Variants in TPR observed in about 807,000 individuals in gnomAD.
TPR encodes the protein translocated promoter region, nuclear basket protein, also known as nucleoprotein TPR.
In TPR, 51 loss-of-function variants were observed where a neutral mutation model predicts 316.1. The observed-to-expected ratio is 0.16, with a 90% CI of 0.13 to 0.20. TPR has a LOEUF of 0.20. Among genes scored for constraint, TPR ranks in the 10% least tolerant of loss-of-function variants. TPR has a pLI of 1.00. For synonymous variants in TPR, 981 were observed against 914.7 expected (o/e 1.07, Z -1.31); for missense variants, 2,272 against 2,754.8 (o/e 0.82, Z 3.92).
chr1:186,345,549 A>G (rs1658651005), intron 24 of TPR, 31 bp downstream of exon 24: 1 of 1,483,350 alleles, frequency 6.7e-7, no homozygotes, highest in Admixed American at 1.7e-5. Context: ...CTAGGATCGA[A>G]GCTCATTTCT....
chr1:186,326,909 G>A (rs1657950781), intron 40 of TPR, among the ~76,000 whole-genome samples: 1 of 128,624 alleles, frequency 7.8e-6, no homozygotes, highest in Admixed American at 9.0e-5. Flanking sequence ...TTCCATCACT[G>A]GCTCTACACT....
chr1:186,340,481 G>C (rs968129777), intron 29 of TPR, among the ~76,000 whole-genome samples: 1 of 151,656 alleles, frequency 6.6e-6, no homozygotes, highest in African/African-American at 2.4e-5. Context: ...ACCCAGGCTA[G>C]CATGCAGTGG....
At position 186,360,309 on chromosome 1, in the gene TPR, T is replaced by A; in HGVS notation, c.1155A>T (p.Val385=). 6.2e-6 allele frequency: 10 copies of A among 1,613,522 alleles called. No homozygotes were observed. Among genetic ancestry groups the A allele is most frequent in the Non-Finnish European group, 8.5e-6 (10 of 1,179,518 alleles). ...TCATCCCAGGTTTCACTATCTTAGCTACAGCTGCTGCAGTAGGAGACATGG... is the reference window on the plus strand; with the variant it reads ...TCATCCCAGGTTTCACTATCTTAGCAACAGCTGCTGCAGTAGGAGACATGG... ...LAAMSPTAAA[V]AKIVKPGMKL... Residue 385 remains valine (V), a synonymous_variant, in exon 11 of 51, where the codon GTA becomes GTT. Coordinates refer to ENST00000367478, the MANE Select transcript of TPR (RefSeq NM_003292.3).
rs1659678199 is a variant in TPR at position 186,375,180 on chromosome 1, C to T, written c.-152G>A. 2 of 1,535,384 alleles carry T rather than the reference C, an allele frequency of 1.3e-6. No homozygotes were observed. Among genetic ancestry groups the T allele is most frequent in the Non-Finnish European group, 1.8e-6 (2 of 1,139,732 alleles). On this transcript the variant is annotated 5_prime_UTR_variant, in exon 1 of 51. Transcript: ENST00000367478. ...GCCCGCCCGCCGGAGACTCCCGCGG[C>T]GGGACCCTGGGAAATCGAGTCCACC...
chr1:186,361,609 T>G lies in TPR; in HGVS notation c.958+13A>C. 1.9e-6 allele frequency: 3 copies of G among 1,612,390 alleles called. No homozygotes were observed. The African/African-American group carries it at 4.0e-5, about 22-fold the overall frequency. ...ATAACAAAAATAATGTTCCCATAAC[T>G]GAAAACACTTACCTTCACCAGCTTC... On this transcript the variant is annotated intron_variant, in intron 9 of 50. Coordinates refer to ENST00000367478, the MANE Select transcript of TPR (RefSeq NM_003292.3).
intron 6 of TPR, 53 bp from the exon 7 acceptor site, chr1:186,362,433 C>A: frequency 7.1e-7 from 1 of 1,404,294 alleles, no homozygotes; most frequent in Non-Finnish European, 1.0e-6. Flanking sequence ...ACTGAAATTA[C>A]TCTGACATGA....
At position 186,360,748 on chromosome 1, in the gene TPR, G is replaced by T. The variant is rs747788035; in HGVS notation, c.1099+17C>A. 1 of 1,611,530 alleles carries T rather than the reference G, an allele frequency of 6.2e-7. No homozygotes were observed. ...CTGTAGTATTTCAACTCACTAACAA[G>T]CATCTATTAGCCATACCTTTACGTT... On this transcript the variant is annotated intron_variant, in intron 10 of 50. Transcript: ENST00000367478.
intron 4 of TPR, 108 bp downstream of exon 4, chr1:186,367,778 C>T: frequency 1.5e-6 from 1 of 689,598 alleles, no homozygotes. Context: ...CTATACTCAA[C>T]CATAACAAAA....
chr1:186,374,834 G>A lies in TPR; in HGVS notation c.151+44C>T, dbSNP rs192045056. The stretch of plus-strand genomic sequence containing the variant: ...GGGGGAAGACCAGACCCAAAGGGCG[G>A]GAGTCGAGCCCAAAACCAAGGACGG... On this transcript the variant is annotated intron_variant, in intron 1 of 50. Coordinates refer to ENST00000367478, the MANE Select transcript of TPR (RefSeq NM_003292.3). The A allele has an allele frequency of 1.5e-3, 2,382 of 1,557,474 alleles. 30 individuals carry two copies. The African/African-American group carries it at 0.023, about 15-fold the overall frequency.
At chr1:186,350,536 A>T (rs1658829457) in intron 20 of TPR, 148 bp from the exon 21 acceptor site, 1 of 572,860 alleles carries the variant, frequency 1.7e-6, no homozygotes, top group Admixed American at 3.7e-5. Context: ...AAAAAACCAG[A>T]CAAAACACAT....
At chr1:186,321,510 A>G (rs1206607205) in intron 45 of TPR, among the ~76,000 whole-genome samples, 3 of 152,216 alleles carry the variant, frequency 2.0e-5, no homozygotes, top group Non-Finnish European at 4.4e-5. Flanking sequence ...ACCTCTGGCA[A>G]ATTTGTTAAC....
chr1:186,313,548 T>A lies in TPR; in HGVS notation c.*423A>T. On this transcript the variant is annotated 3_prime_UTR_variant, in exon 51 of 51. Transcript: ENST00000367478. ...ATTGTTTTTCTTTTTGTTATAAAGT[T>A]CAAATTAATTAGTAAAAACATCTCT... 1.6e-6 allele frequency: 1 copy of A among 620,236 alleles called. No homozygotes were observed. 38.4% of individuals were successfully genotyped at this position (620,236 alleles called of 1,614,324 possible).
Position 186,312,413 on chromosome 1 carries a change from T to C in TPR, c.*1558A>G. The stretch of plus-strand genomic sequence containing the variant: ...TGTTAAAAAAATCCTTAAACATAAG[T>C]AGATGTAATACAGTTTCTTATACAG... On this transcript the variant is annotated 3_prime_UTR_variant, in exon 51 of 51. Transcript: ENST00000367478. The C allele has an allele frequency of 6.6e-7, 1 of 1,523,940 alleles. No homozygotes were observed. Among genetic ancestry groups the C allele is most frequent in the Non-Finnish European group, 9.0e-7 (1 of 1,111,920 alleles). 94.4% of individuals were successfully genotyped at this position (1,523,940 alleles called of 1,614,324 possible).
intron 40 of TPR, among the ~76,000 whole-genome samples, chr1:186,327,014 AT>A (rs1161371726): frequency 4.6e-5 from 3 of 64,570 alleles, no homozygotes; most frequent in African/African-American, 2.4e-4. Flanking sequence ...TAAATATATA[AT>A]ATATATATTA....
In TPR at chr1:186,333,335, C is replaced by A; in HGVS notation, c.5242G>T (p.Val1748Phe). 1 of 1,613,602 alleles carries A rather than the reference C, an allele frequency of 6.2e-7. No individual in the cohort carries two copies. Among genetic ancestry groups the A allele is most frequent in the Non-Finnish European group, 8.5e-7 (1 of 1,179,674 alleles). Reference protein sequence around the residue: ...VPVFGSTSGSVRSTSPNVQPS... With the variant: ...VPVFGSTSGSFRSTSPNVQPS... ...TGGACATTAGGACTAGTAGAACGAA[C>A]GGATCCACTTGTGCTTCCAAAAACT... The change falls in exon 37 of 51, where the codon GTT (valine) becomes TTT (phenylalanine). Residue 1748 changes from valine to phenylalanine, a missense_variant. Coordinates refer to ENST00000367478, the MANE Select transcript of TPR (RefSeq NM_003292.3).
At chr1:186,363,512 T>C (rs1659253256) in intron 4 of TPR, 67 bp from the exon 5 acceptor site, 11 of 1,089,066 alleles carry the variant, frequency 1.0e-5, no homozygotes, top group Admixed American at 6.3e-5. Flanking sequence ...ATATCAAAAA[T>C]ATATTTCTAG....
At position 186,334,341 on chromosome 1, in the gene TPR, T is replaced by C. The variant is rs775682162; in HGVS notation, c.5166A>G (p.Gln1722=). The C allele has an allele frequency of 6.2e-7, 1 of 1,612,690 alleles. No homozygotes were observed. Among genetic ancestry groups the C allele is most frequent in the Non-Finnish European group, 8.5e-7 (1 of 1,179,188 alleles). The change falls in exon 36 of 51, where the codon CAA becomes CAG. Residue 1722 remains glutamine (Q), a synonymous_variant. Coordinates refer to ENST00000367478, the MANE Select transcript of TPR (RefSeq NM_003292.3). ...TPTATVMPTT[Q]VESQEAMQSE... Reference sequence around the variant, plus strand: ...TTTACTAACCTTCCTGTGATTCCACTTGTGTAGTGGGCATCACTGTAGCTG... The same window carrying C: ...TTTACTAACCTTCCTGTGATTCCACCTGTGTAGTGGGCATCACTGTAGCTG...
chr1:186,328,224 A>G (rs1658057452), intron 39 of TPR, among the ~76,000 whole-genome samples: 1 of 152,222 alleles, frequency 6.6e-6, no homozygotes. Context: ...AAAAAAATAT[A>G]AACAAATATT....
intron 39 of TPR, 26 bp downstream of exon 39, chr1:186,331,469 TGTG>T: frequency 1.3e-6 from 2 of 1,506,208 alleles, no homozygotes; most frequent in South Asian, 2.4e-5. Flanking sequence ...AAAGCAACGG[TGTG>T]GTACTTTAGG....
Sources: gnomAD v4.1 joint callset for allele counts (sites outside exome capture counted in the v4.1 genomes callset) on GRCh38, gnomAD v4.1.1 for gene constraint, MANE v1.5 for transcripts, NCBI Gene and HGNC (gene_info 2026-07-23, HGNC 2026-07-21) for gene names.